DKK3: variants seen among roughly 807,000 people sequenced by gnomAD.
The protein encoded by DKK3 is dickkopf-related protein 3.
A neutral mutation model predicts 33.2 loss-of-function variants in DKK3; 22 were observed. The ratio of observed to expected loss-of-function variants is 0.66; its 90% CI spans 0.47 to 0.95. The LOEUF (loss-of-function observed/expected upper bound fraction) is 0.95. DKK3 is among the 40% of genes least tolerant of loss of function. The pLI is 0.00. For missense variants in DKK3, 398 were observed against 458.4 expected, an observed-to-expected ratio of 0.87 and a Z score of 1.20; for synonymous variants, 194 against 188.8, an observed-to-expected ratio of 1.03 and a Z score of -0.23.
chr11:12,009,514 A>G (rs542886205), upstream of DKK3: 342 of 933,962 alleles, frequency 3.7e-4, no homozygotes, highest in African/African-American at 5.7e-3. Flanking sequence ...AGCTCTACCG[A>G]AGGCAGCCAT....
rs116127500 is a variant in DKK3, at chr11:11,989,315, G to A, written c.435+9381C>T. Among the ~76,000 whole-genome samples, 583 of 152,196 alleles carry A rather than the reference G, an allele frequency of 3.8e-3. 1 individual carries two copies. The highest frequency in any genetic ancestry group is 0.013 in the African/African-American group (547 of 41,506). On this transcript the variant is annotated intron_variant, in intron 3 of 6. Transcript: ENST00000683431. Reference sequence around the variant, plus strand: ...AGCCAAAAGGTGGAAGCAACCCAAGGGTGCATTGACAAATGAATGGAGAAA... The same window carrying A: ...AGCCAAAAGGTGGAAGCAACCCAAGAGTGCATTGACAAATGAATGGAGAAA...
At chr11:11,993,165 T>C (rs1193664390) in intron 3 of DKK3, among the ~76,000 whole-genome samples, 1 of 151,730 alleles carries the variant, frequency 6.6e-6, no homozygotes, top group Non-Finnish European at 1.5e-5. Context: ...TAGAGATGTT[T>C]AGACCAAAAT....
At chr11:12,000,691 G>A (rs1398579398) in intron 2 of DKK3, among the ~76,000 whole-genome samples, 1 of 127,446 alleles carries the variant, frequency 7.8e-6, no homozygotes, top group Non-Finnish European at 1.7e-5. Flanking sequence ...TTTTTTTTTT[G>A]TATTTTTATT....
At chr11:11,998,839 G>C (rs779011100) in intron 2 of DKK3, 60 bp from the exon 3 acceptor site, 118 of 1,498,366 alleles carry the variant, frequency 7.9e-5, no homozygotes, top group Non-Finnish European at 1.0e-4. Context: ...AATTCCACAA[G>C]TTGTTTTTGT....
chr11:11,964,224 G>A lies in DKK3; in HGVS notation c.*240C>T. 1.8e-6 allele frequency: 1 copy of A among 557,350 alleles called. No homozygotes were observed. The highest frequency in any genetic ancestry group is 3.2e-6 in the Non-Finnish European group (1 of 314,912). 34.5% of individuals were successfully genotyped at this position (557,350 alleles called of 1,614,324 possible). On this transcript the variant is annotated 3_prime_UTR_variant, in exon 7 of 7. Coordinates refer to ENST00000683431, the MANE Select transcript of DKK3 (RefSeq NM_001018057.2). The stretch of plus-strand genomic sequence containing the variant: ...AAAGCAGCCAATAATCTGGACAGGG[G>A]TGGCAAACTGCTCCTGCAGTTTAAC...
At position 12,008,503 on chromosome 11, in the gene DKK3, G is replaced by T; in HGVS notation, c.80C>A (p.Ala27Glu). The T allele has an allele frequency of 6.3e-7, 1 of 1,593,352 alleles. No homozygotes were observed. The highest frequency in any genetic ancestry group is 8.5e-7 in the Non-Finnish European group (1 of 1,175,240). Residue 27 changes from alanine to glutamate, a missense_variant, in exon 1 of 7, where the codon GCG becomes GAG. Physicochemically the swap from Ala to Glu is moderately radical, Grantham distance 107 (BLOSUM62 -1). Transcript: ENST00000683431. The surrounding 1 kb of genome is among the most constrained non-coding windows in gnomAD (Gnocchi z 4.6). ...VPTAPAPAPT[A>E]TSAPVKPGPA... ...GCCGGGCTTGACTGGAGCCGAGGTC[G>T]CCGTCGGAGCGGGCGCGGGGGCCGT... is the stretch of plus-strand genomic sequence containing the variant.
intron 3 of DKK3, among the ~76,000 whole-genome samples, chr11:11,995,468 C>A (rs546544256): frequency 2.8e-4 from 43 of 152,224 alleles, no homozygotes; most frequent in African/African-American, 1.0e-3. Flanking sequence ...CACCTAGATA[C>A]AAACCAGCTC....
intron 3 of DKK3, among the ~76,000 whole-genome samples, chr11:11,983,141 G>C (rs75345064): frequency 0.015 from 2,210 of 152,322 alleles, 51 homozygotes; most frequent in African/African-American, 0.049. Flanking sequence ...AGTTTCTCCA[G>C]ATTGACTCAA....
chr11:12,000,670 A>G (rs1014861077), intron 2 of DKK3, among the ~76,000 whole-genome samples: 1 of 141,160 alleles, frequency 7.1e-6, no homozygotes, highest in Admixed American at 7.4e-5. Flanking sequence ...ATGCCTGGCT[A>G]AGGCTAATTT....
In DKK3 at chr11:12,008,109, G is replaced by T. The variant is rs1291010475; in HGVS notation, c.213+261C>A. On this transcript the variant is annotated intron_variant, in intron 1 of 6. Transcript: ENST00000683431. The surrounding 1 kb of genome is among the most constrained non-coding windows in gnomAD (Gnocchi z 4.6). ...TGACGCCAACTGCAGGCAGGTGGTG[G>T]CCCCAGCTACCTAGGGAGGGTCCAG... Among the ~76,000 whole-genome samples the T allele has an allele frequency of 6.6e-6, 1 of 151,952 alleles. No individual in the cohort carries two copies. Among genetic ancestry groups the T allele is most frequent in the African/African-American group, 2.4e-5 (1 of 41,372 alleles).
intron 3 of DKK3, among the ~76,000 whole-genome samples, chr11:11,980,644 C>T (rs188851400): frequency 1.9e-3 from 296 of 152,256 alleles, no homozygotes; most frequent in Non-Finnish European, 3.3e-3. Context: ...CCTTCCCAGA[C>T]TCTCCCACTG....
chr11:11,971,875 A>C (rs547893978), intron 3 of DKK3, among the ~76,000 whole-genome samples: 1 of 152,154 alleles, frequency 6.6e-6, no homozygotes, highest in Non-Finnish European at 1.5e-5. Context: ...CCTTTGAAAA[A>C]CCTAAATATA....
intron 3 of DKK3, among the ~76,000 whole-genome samples, chr11:11,985,725 G>A (rs564506873): frequency 1.3e-5 from 2 of 152,340 alleles, no homozygotes; most frequent in Admixed American, 6.5e-5. Context: ...TGTGTTGTAG[G>A]TGGGTTTGGT....
chr11:11,976,119 G>A (rs1185050614), intron 3 of DKK3, among the ~76,000 whole-genome samples: 1 of 152,188 alleles, frequency 6.6e-6, no homozygotes, highest in Non-Finnish European at 1.5e-5. Flanking sequence ...GCTTAAGTGT[G>A]GGCCAATGGG....
At chr11:11,992,950 A>G (rs1303013606) in intron 3 of DKK3, among the ~76,000 whole-genome samples, 2 of 152,216 alleles carry the variant, frequency 1.3e-5, no homozygotes, top group Non-Finnish European at 2.9e-5. Context: ...TGCCTATCAT[A>G]TGATCACGCA....
upstream of DKK3, chr11:12,008,714 C>T: frequency 1.7e-6 from 2 of 1,210,576 alleles, no homozygotes; most frequent in Non-Finnish European, 2.0e-6. This position sits in a 1 kb window ranked among gnomAD's most constrained non-coding sequence, Gnocchi z 4.6. Flanking sequence ...CCCCTCTTTC[C>T]CGCACCCGCC....
intron 3 of DKK3, among the ~76,000 whole-genome samples, chr11:11,993,206 G>T (rs1399494643): frequency 1.3e-5 from 2 of 152,074 alleles, no homozygotes; most frequent in East Asian, 3.9e-4. Context: ...TGAAAATAAA[G>T]AAATCTATAA....
intron 6 of DKK3, among the ~76,000 whole-genome samples, chr11:11,965,122 A>G (rs1847556889): frequency 6.6e-6 from 1 of 152,154 alleles, no homozygotes; most frequent in African/African-American, 2.4e-5. Context: ...TTTTTAAAAA[A>G]AATTAATGTG....
intron 3 of DKK3, among the ~76,000 whole-genome samples, chr11:11,984,268 GAC>G (rs1848017758): frequency 6.6e-6 from 1 of 152,218 alleles, no homozygotes; most frequent in African/African-American, 2.4e-5. Flanking sequence ...TATTTTGAGA[GAC>G]AGTATTTTAT....
Sources: allele counts gnomAD v4.1 joint callset (sites outside exome capture counted in the v4.1 genomes callset), GRCh38; gene constraint gnomAD v4.1.1; non-coding constraint Gnocchi (gnomAD v3.1); transcripts MANE v1.5; gene names NCBI Gene and HGNC (gene_info 2026-07-23, HGNC 2026-07-21).